The following GNPTAB variants were observed in gnomAD, a reference collection of about 807,000 sequenced individuals.
The protein encoded by GNPTAB is N-acetylglucosamine-1-phosphate transferase subunits alpha and beta, also known as N-acetylglucosamine-1-phosphotransferase subunits alpha/beta.
A neutral mutation model predicts 136.6 loss-of-function variants in GNPTAB; 92 were observed. That is an observed-to-expected ratio of 0.67 (90% CI 0.57 to 0.80). The LOEUF is 0.80. GNPTAB is among the 30% of genes least tolerant of loss of function. GNPTAB has a pLI of 0.00. For missense variants in GNPTAB, 1,343 were observed against 1,501.8 expected, an observed-to-expected ratio of 0.89 and a Z score of 1.75; for synonymous variants, 512 against 535.1, an observed-to-expected ratio of 0.96 and a Z score of 0.60.
intron 1 of GNPTAB, among the ~76,000 whole-genome samples, chr12:101,821,829 G>A (rs1221042354): frequency 6.6e-6 from 1 of 152,172 alleles, no homozygotes; most frequent in Non-Finnish European, 1.5e-5. Flanking sequence ...GAGGACAAGA[G>A]AGAAGTTGTC....
intron 18 of GNPTAB, among the ~76,000 whole-genome samples, chr12:101,753,798 G>C (rs1434497544): frequency 1.3e-5 from 2 of 152,182 alleles, no homozygotes; most frequent in Non-Finnish European, 2.9e-5. Context: ...AGAGTGTCCT[G>C]AATTAATTGT....
chr12:101,788,632 C>A lies in GNPTAB; in HGVS notation c.324-43G>T, dbSNP rs751159330. 5 of 968,346 alleles carry A rather than the reference C, an allele frequency of 5.2e-6. No individual in the cohort carries two copies. The East Asian group carries it at 9.5e-5, about 18-fold the overall frequency. The allele number at this position is 968,346 out of a possible 1,614,324, so 60.0% of individuals were successfully genotyped here. On this transcript the variant is annotated intron_variant, in intron 3 of 20. Transcript: ENST00000299314. ...CAGTTTATTACATACATATGGGCTA[C>A]TATACCTCCCACTGTAACCAAGACG...
chr12:101,820,701 C>T lies in GNPTAB; in HGVS notation c.117+9858G>A, dbSNP rs555832609. ...CACTGTCCTAGAGCTGACTTGACCT[C>T]CTCTGTCCTCAGCCTCAGCAATTCT... is the stretch of plus-strand genomic sequence containing the variant. On this transcript the variant is annotated intron_variant, in intron 1 of 20. Coordinates refer to ENST00000299314, the MANE Select transcript of GNPTAB (RefSeq NM_024312.5). Among the ~76,000 whole-genome samples, 14 of 152,284 alleles carry T rather than the reference C, an allele frequency of 9.2e-5. No homozygotes were observed. The South Asian group carries it at 2.5e-3, about 27-fold the overall frequency.
intron 18 of GNPTAB, chr12:101,756,488 T>C: frequency 2.5e-6 from 1 of 398,500 alleles, no homozygotes; most frequent in South Asian, 1.8e-5. Flanking sequence ...GTGGGAGGAT[T>C]GCTTGAGCCC....
chr12:101,830,534 T>A (rs1475448754), intron 1 of GNPTAB, 25 bp downstream of exon 1: 4 of 1,422,890 alleles, frequency 2.8e-6, no homozygotes, highest in Non-Finnish European at 4.0e-6. Context: ...AGGCGCCCGG[T>A]CCAGGCTGCG....
Position 101,770,094 on chromosome 12 carries a change from T to G in GNPTAB, c.1211A>C (p.Tyr404Ser), listed in dbSNP as rs1230480721. ...RIEGLSQKFI[Y>S]LNDDVMFGKD... ...CCCAAACATGACATCATCATTTAGG[T>G]AAATAAACTTCTGGGACAGCCCTTC... Residue 404 changes from tyrosine (Y) to serine (S), a missense_variant, in exon 10 of 21, where the codon TAC becomes TCC. Transcript: ENST00000299314. 3 of 1,613,928 alleles carry G rather than the reference T, an allele frequency of 1.9e-6. No individual in the cohort carries two copies. The highest frequency in any genetic ancestry group is 1.3e-5 in the African/African-American group (1 of 74,876).
chr12:101,773,329 C>A, intron 7 of GNPTAB: 1 of 278,632 alleles, frequency 3.6e-6, no homozygotes, highest in Non-Finnish European at 7.2e-6. Context: ...CCTGCTCCCT[C>A]AGAAAGCACA....
chr12:101,830,482 T>C, intron 1 of GNPTAB, 77 bp downstream of exon 1: 1 of 788,492 alleles, frequency 1.3e-6, no homozygotes, highest in South Asian at 1.4e-5. Flanking sequence ...ATACATACTG[T>C]ATCGGGGCAT....
intron 1 of GNPTAB, among the ~76,000 whole-genome samples, chr12:101,830,268 T>A (rs1483078175): frequency 2.6e-5 from 4 of 152,132 alleles, no homozygotes; most frequent in African/African-American, 9.7e-5. Flanking sequence ...ATATCTAAAA[T>A]CACATACATG....
chr12:101,761,123 A>C lies in GNPTAB; in HGVS notation c.3135+4T>G. On this transcript the variant is annotated splice_donor_region_variant and intron_variant, in intron 15 of 20. Transcript: ENST00000299314. ...AAAAAGTTTAGAATAAGACAATACAACACCTGCAAACTTAACGGCAGTTCG... is the reference window on the plus strand; with the variant it reads ...AAAAAGTTTAGAATAAGACAATACACCACCTGCAAACTTAACGGCAGTTCG... The C allele has an allele frequency of 6.2e-7, 1 of 1,604,238 alleles. No homozygotes were observed. The highest frequency in any genetic ancestry group is 8.5e-7 in the Non-Finnish European group (1 of 1,171,134).
At chr12:101,757,076 C>T in intron 18 of GNPTAB, 136 bp downstream of exon 18, 1 of 614,614 alleles carries the variant, frequency 1.6e-6, no homozygotes. Flanking sequence ...ATCTCTCACT[C>T]AACCACCAGC....
intron 10 of GNPTAB, among the ~76,000 whole-genome samples, chr12:101,768,937 A>G (rs1342367885): frequency 6.6e-6 from 1 of 152,196 alleles, no homozygotes; most frequent in African/African-American, 2.4e-5. Flanking sequence ...AGCACCACAC[A>G]GTCATTGATC....
rs368026099 is a variant in GNPTAB at position 101,770,529 on chromosome 12, C to A, written c.990G>T (p.Arg330Ser). The A allele has an allele frequency of 6.2e-7, 1 of 1,613,434 alleles. No homozygotes were observed. Among genetic ancestry groups the A allele is most frequent in the South Asian group, 1.1e-5 (1 of 91,054 alleles). The change falls in exon 9 of 21, where the codon AGG (arginine) becomes AGT (serine). Residue 330 changes from arginine to serine, a missense_variant. Physicochemically the swap from Arg to Ser is moderately radical, Grantham distance 110 (BLOSUM62 -1). Transcript: ENST00000299314. Reference protein sequence around the residue: ...ASRFEDNEELRYSLRSIERHA... With the variant: ...ASRFEDNEELSYSLRSIERHA... ...GCCTCTCGATAGATCGCAATGAGTA[C>A]CTCAGTTCTTCGTTATCTTCAAAAC...
intron 1 of GNPTAB, among the ~76,000 whole-genome samples, chr12:101,827,097 G>A (rs539826442): frequency 6.6e-6 from 1 of 151,568 alleles, no homozygotes; most frequent in South Asian, 2.1e-4. Context: ...TGGGACTACA[G>A]GCATGTGCCA....
At chr12:101,780,110 G>A (rs750195941) in intron 7 of GNPTAB, 42 bp downstream of exon 7, 4 of 1,577,384 alleles carry the variant, frequency 2.5e-6, no homozygotes, top group African/African-American at 2.7e-5. Context: ...CACATTAAAT[G>A]AGAATGTGCC....
chr12:101,801,887 A>G (rs909928540), intron 1 of GNPTAB, among the ~76,000 whole-genome samples: 2 of 151,974 alleles, frequency 1.3e-5, no homozygotes, highest in Non-Finnish European at 2.9e-5. Flanking sequence ...TTCAAAAAAA[A>G]GAAAAAATTT....
At chr12:101,825,792 T>C (rs77564092) in intron 1 of GNPTAB, among the ~76,000 whole-genome samples, 1,691 of 152,370 alleles carry the variant, frequency 0.011, 19 homozygotes, top group Non-Finnish European at 0.014. Context: ...TCTCATAGTT[T>C]GTAAACATTT....
At chr12:101,803,639 C>A (rs1302811476) in intron 1 of GNPTAB, among the ~76,000 whole-genome samples, 1 of 152,192 alleles carries the variant, frequency 6.6e-6, no homozygotes, top group Non-Finnish European at 1.5e-5. Flanking sequence ...GCAATAGACA[C>A]ACAACATAAC....
chr12:101,818,300 G>T (rs928102298), intron 1 of GNPTAB, among the ~76,000 whole-genome samples: 26 of 151,726 alleles, frequency 1.7e-4, no homozygotes, highest in Admixed American at 6.6e-4. Context: ...TTTCAAGTTT[G>T]CCTACTTGCC....
Sources: gnomAD v4.1 joint callset for allele counts (sites outside exome capture counted in the v4.1 genomes callset) on GRCh38, gnomAD v4.1.1 for gene constraint, MANE v1.5 for transcripts, NCBI Gene and HGNC (gene_info 2026-07-23, HGNC 2026-07-21) for gene names.